COG5: variants seen among roughly 807,000 people sequenced by gnomAD.
The protein encoded by COG5 is conserved oligomeric Golgi complex subunit 5.
A neutral mutation model predicts 110.4 loss-of-function variants in COG5; 86 were observed. That is an observed-to-expected ratio of 0.78 (90% CI 0.65 to 0.93). The LOEUF (loss-of-function observed/expected upper bound fraction) is 0.93. Among genes scored for constraint, COG5 ranks in the 40% least tolerant of loss-of-function variants. The pLI is 0.00. For synonymous variants in COG5, 360 were observed against 334.6 expected (o/e 1.08, Z -0.83); for missense variants, 1,077 against 987.0 (o/e 1.09, Z -1.22).
intron 6 of COG5, among the ~76,000 whole-genome samples, chr7:107,507,738 A>G (rs1218289886): frequency 6.6e-6 from 1 of 152,146 alleles, no homozygotes; most frequent in East Asian, 1.9e-4. Flanking sequence ...ATCTATACAT[A>G]AGTGAGAAAC....
chr7:107,561,906 G>A (rs766695855), intron 1 of COG5, among the ~76,000 whole-genome samples: 5 of 152,106 alleles, frequency 3.3e-5, no homozygotes, highest in Non-Finnish European at 5.9e-5. Context: ...AACCCCGGAG[G>A]CAGAGCTTGC....
chr7:107,386,371 C>A (rs1267388517), intron 7 of COG5, among the ~76,000 whole-genome samples: 1 of 152,018 alleles, frequency 6.6e-6, no homozygotes, highest in Middle Eastern at 3.2e-3. Context: ...ACAAGCATAA[C>A]ATCTGTGTCA....
At chr7:107,439,396 C>T (rs1794571886) in intron 6 of COG5, among the ~76,000 whole-genome samples, 1 of 152,152 alleles carries the variant, frequency 6.6e-6, no homozygotes, top group Non-Finnish European at 1.5e-5. Context: ...TTTGCTCTCC[C>T]CGTTTTCTCG....
chr7:107,225,391 A>G (rs1800262502), intron 19 of COG5, among the ~76,000 whole-genome samples: 1 of 152,258 alleles, frequency 6.6e-6, no homozygotes, highest in African/African-American at 2.4e-5. Context: ...TAAAAATAAA[A>G]TAAGGCAGAA....
At position 107,202,909 on chromosome 7, in the gene COG5, A is replaced by G. The variant is rs1798454154; in HGVS notation, c.*607T>C. On this transcript the variant is annotated 3_prime_UTR_variant, in exon 22 of 22. Coordinates refer to ENST00000297135, the MANE Select transcript of COG5 (RefSeq NM_006348.5). The stretch of plus-strand genomic sequence containing the variant: ...ACTTAAAAAGGCCATTTAACCTTGT[A>G]TCTTAGCTTGGGATGTGCCAGTGGT... The G allele has an allele frequency of 6.5e-6, 1 of 152,902 alleles. No homozygotes were observed. Among genetic ancestry groups the G allele is most frequent in the East Asian group, 1.9e-4 (1 of 5,208 alleles). The allele number at this position is 152,902 out of a possible 1,614,324, so 9.5% of individuals were successfully genotyped here. A position where few individuals can be genotyped will look rare whatever the true frequency, so the allele number is the denominator to read the frequency against.
chr7:107,401,432 T>C (rs60980722), intron 7 of COG5, among the ~76,000 whole-genome samples: 2,853 of 152,266 alleles, frequency 0.019, 87 homozygotes, highest in African/African-American at 0.063. Context: ...ATACATGTCA[T>C]AAAGTTTATT....
At chr7:107,452,902 G>A (rs558962526) in intron 6 of COG5, among the ~76,000 whole-genome samples, 1 of 152,218 alleles carries the variant, frequency 6.6e-6, no homozygotes, top group Non-Finnish European at 1.5e-5. Context: ...TTCATATCTA[G>A]TTTATCCACT....
chr7:107,488,919 G>T (rs952717519), intron 6 of COG5, among the ~76,000 whole-genome samples: 2 of 151,882 alleles, frequency 1.3e-5, no homozygotes, highest in Non-Finnish European at 2.9e-5. Context: ...TCAAAACTAT[G>T]TATTTCCCCA....
At chr7:107,252,984 C>T (rs1330092670) in intron 16 of COG5, 1 of 152,100 alleles carries the variant, frequency 6.6e-6, no homozygotes, top group African/African-American at 2.4e-5. Flanking sequence ...ACTATACTTA[C>T]AATAGTAAAA....
At chr7:107,237,640 C>T (rs554506659) in intron 17 of COG5, among the ~76,000 whole-genome samples, 27 of 152,356 alleles carry the variant, frequency 1.8e-4, no homozygotes, top group Admixed American at 2.0e-4. Flanking sequence ...AGAGGTCCGT[C>T]ACTTTCAGAA....
At chr7:107,324,064 C>G (rs1809543138) in intron 11 of COG5, among the ~76,000 whole-genome samples, 1 of 152,118 alleles carries the variant, frequency 6.6e-6, no homozygotes, top group African/African-American at 2.4e-5. Flanking sequence ...TGCAAAGCCT[C>G]TGTATTTTTA....
At chr7:107,260,992 T>A (rs1191117847) in intron 14 of COG5, among the ~76,000 whole-genome samples, 1 of 151,660 alleles carries the variant, frequency 6.6e-6, no homozygotes. Context: ...TAGTCTCCCC[T>A]CAGTATACAA....
Position 107,202,758 on chromosome 7 carries a change from A to C in COG5, c.*758T>G, listed in dbSNP as rs1798436137. On this transcript the variant is annotated 3_prime_UTR_variant, in exon 22 of 22. Coordinates refer to ENST00000297135, the MANE Select transcript of COG5 (RefSeq NM_006348.5). Reference sequence around the variant, plus strand: ...TCTACTATTTATAGAGAATTGCTATACAATAAAAATTTTTATTTTTCACGT... The same window carrying C: ...TCTACTATTTATAGAGAATTGCTATCCAATAAAAATTTTTATTTTTCACGT... 6.6e-6 allele frequency: 1 copy of C among 152,220 alleles called. No individual in the cohort carries two copies. Among genetic ancestry groups the C allele is most frequent in the Non-Finnish European group, 1.5e-5 (1 of 68,040 alleles). The allele number at this position is 152,220 out of a possible 1,614,324, so 9.4% of individuals were successfully genotyped here.
chr7:107,443,524 A>T (rs962206467), intron 6 of COG5, among the ~76,000 whole-genome samples: 2 of 151,406 alleles, frequency 1.3e-5, no homozygotes, highest in Non-Finnish European at 3.0e-5. Flanking sequence ...TATGTTAATT[A>T]TATCTTAATA....
At chr7:107,305,379 T>G (rs1452241179) in intron 11 of COG5, among the ~76,000 whole-genome samples, 3 of 152,144 alleles carry the variant, frequency 2.0e-5, no homozygotes, top group Non-Finnish European at 4.4e-5. Context: ...TGCCAGGCCT[T>G]CACCTATATC....
chr7:107,369,529 G>A (rs1813935997), intron 8 of COG5, among the ~76,000 whole-genome samples: 1 of 151,848 alleles, frequency 6.6e-6, no homozygotes, highest in African/African-American at 2.4e-5. Flanking sequence ...TGGGATTACA[G>A]GCATGCGCCA....
chr7:107,363,968 A>G (rs1033647111), intron 8 of COG5, among the ~76,000 whole-genome samples: 2 of 152,128 alleles, frequency 1.3e-5, no homozygotes, highest in Admixed American at 6.5e-5. Flanking sequence ...AAAAAAAAAA[A>G]AAGTTATTGA....
intron 10 of COG5, among the ~76,000 whole-genome samples, chr7:107,358,455 T>C (rs1049276486): frequency 6.6e-6 from 1 of 152,136 alleles, no homozygotes; most frequent in Non-Finnish European, 1.5e-5. Flanking sequence ...TTTCACACAA[T>C]TGAAAGCCAA....
chr7:107,344,449 G>A (rs756647346), intron 10 of COG5, among the ~76,000 whole-genome samples: 11 of 152,178 alleles, frequency 7.2e-5, no homozygotes, highest in Non-Finnish European at 1.3e-4. Context: ...TAGCTTAAAG[G>A]AAGGTTGTGG....
Sources: allele counts gnomAD v4.1 joint callset (sites outside exome capture counted in the v4.1 genomes callset), GRCh38; gene constraint gnomAD v4.1.1; transcripts MANE v1.5; gene names NCBI Gene and HGNC (gene_info 2026-07-23, HGNC 2026-07-21).